Variants in ABTB3 observed in about 807,000 individuals in gnomAD.
ABTB3 encodes ankyrin repeat and BTB domain containing 3.
chr12:107,489,455 G>T, the ABTB3 span, among the ~76,000 whole-genome samples: 8 of 152,170 alleles, frequency 5.3e-5, no homozygotes, highest in African/African-American at 1.9e-4. Flanking sequence ...GGGAGGCAGA[G>T]GTTGCAGTGA....
chr12:107,430,735 T>C, the ABTB3 span, among the ~76,000 whole-genome samples: 1 of 152,358 alleles, frequency 6.6e-6, no homozygotes, highest in Non-Finnish European at 1.5e-5. Flanking sequence ...ATGTTGATTA[T>C]TAGAGAGATG....
chr12:107,593,793 G>T, the ABTB3 span, among the ~76,000 whole-genome samples: 1 of 152,108 alleles, frequency 6.6e-6, no homozygotes, highest in Non-Finnish European at 1.5e-5. Context: ...GCCATCCCTT[G>T]GGTGATACCT....
At chr12:107,523,674 C>T in the ABTB3 span, among the ~76,000 whole-genome samples, 3 of 152,014 alleles carry the variant, frequency 2.0e-5, no homozygotes, top group African/African-American at 7.3e-5. Context: ...GAGATGTCTG[C>T]GACAAGTGGA....
the ABTB3 span, chr12:107,650,288 A>G: frequency 6.6e-6 from 1 of 152,174 alleles, no homozygotes; most frequent in African/African-American, 2.4e-5. Flanking sequence ...GAGGATCTTA[A>G]AATATGCTAA....
At chr12:107,395,625 C>A in the ABTB3 span, among the ~76,000 whole-genome samples, 1 of 152,214 alleles carries the variant, frequency 6.6e-6, no homozygotes, top group South Asian at 2.1e-4. Flanking sequence ...TGCTCCTACT[C>A]ACCCAGTGAG....
the ABTB3 span, among the ~76,000 whole-genome samples, chr12:107,391,567 A>G: frequency 1.3e-5 from 2 of 152,236 alleles, no homozygotes; most frequent in South Asian, 4.1e-4. Flanking sequence ...AGACCTCAAG[A>G]CTTAGAGAGG....
At chr12:107,497,716 A>C in the ABTB3 span, among the ~76,000 whole-genome samples, 1 of 152,180 alleles carries the variant, frequency 6.6e-6, no homozygotes, top group Non-Finnish European at 1.5e-5. Flanking sequence ...ACAGCTTTTC[A>C]GTGTCAGAAA....
chr12:107,579,953 A>G, the ABTB3 span, among the ~76,000 whole-genome samples: 1 of 152,172 alleles, frequency 6.6e-6, no homozygotes, highest in Non-Finnish European at 1.5e-5. Flanking sequence ...GGACTCTAAC[A>G]CAATCACCAT....
the ABTB3 span, among the ~76,000 whole-genome samples, chr12:107,643,773 TGAGAG>T: frequency 7.3e-6 from 1 of 137,180 alleles, no homozygotes; most frequent in Non-Finnish European, 1.6e-5. Context: ...TTTTTTTTGT[TGAGAG>T]AGAGAGAGAG....
At chr12:107,319,813 C>T in the ABTB3 span, 2 of 1,330,274 alleles carry the variant, frequency 1.5e-6, no homozygotes, top group East Asian at 3.1e-5. Context: ...GGGAGGCGCC[C>T]GGGGGAGGAG....
chr12:107,618,339 C>A, the ABTB3 span: 1 of 1,613,648 alleles, frequency 6.2e-7, no homozygotes, highest in Admixed American at 1.7e-5. Flanking sequence ...CAGCGCTGAG[C>A]ATGGCTACGT....
At chr12:107,319,963 C>T in the ABTB3 span, 3 of 1,580,700 alleles carry the variant, frequency 1.9e-6, no homozygotes, top group African/African-American at 4.1e-5. Context: ...ATGCGCTCCA[C>T]GAGGCGCCCA....
chr12:107,331,612 G>T, the ABTB3 span, among the ~76,000 whole-genome samples: 25 of 152,158 alleles, frequency 1.6e-4, 1 homozygote, highest in Non-Finnish European at 2.9e-4. Context: ...AAGCCTGCAG[G>T]GATGGGGTGG....
At chr12:107,525,342 A>G in the ABTB3 span, among the ~76,000 whole-genome samples, 7 of 150,664 alleles carry the variant, frequency 4.6e-5, no homozygotes, top group Middle Eastern at 3.2e-3. Flanking sequence ...AAAAAAAAAA[A>G]AAAAAAAAGA....
the ABTB3 span, among the ~76,000 whole-genome samples, chr12:107,424,062 C>T: frequency 1.2e-4 from 18 of 152,284 alleles, no homozygotes; most frequent in South Asian, 8.3e-4. Context: ...TGCCACGTGA[C>T]GTGGGAGGAC....
chr12:107,501,624 C>T, the ABTB3 span, among the ~76,000 whole-genome samples: 2 of 151,938 alleles, frequency 1.3e-5, no homozygotes, highest in Non-Finnish European at 2.9e-5. Context: ...CACTTGAACC[C>T]GGGAGGCAGA....
At chr12:107,645,326 C>G in the ABTB3 span, among the ~76,000 whole-genome samples, 9 of 152,170 alleles carry the variant, frequency 5.9e-5, no homozygotes, top group Non-Finnish European at 1.3e-4. Context: ...GGACCTGTCT[C>G]TGAGAACCAC....
the ABTB3 span, among the ~76,000 whole-genome samples, chr12:107,344,695 C>G: frequency 1.3e-5 from 2 of 152,188 alleles, no homozygotes. Flanking sequence ...TGGCATTTTC[C>G]AGATCACATT....
At chr12:107,510,044 A>G in the ABTB3 span, among the ~76,000 whole-genome samples, 1 of 152,170 alleles carries the variant, frequency 6.6e-6, no homozygotes, top group Non-Finnish European at 1.5e-5. Flanking sequence ...TTACAGAGGG[A>G]GAAATACACT....
Sources: gnomAD v4.1 joint callset for allele counts (sites outside exome capture counted in the v4.1 genomes callset) on GRCh38, gnomAD v4.1.1 for gene constraint, MANE v1.5 for transcripts, NCBI Gene and HGNC (gene_info 2026-07-23, HGNC 2026-07-21) for gene names.